MYO7A: variants seen among roughly 807,000 people sequenced by gnomAD.
MYO7A encodes myosin VIIA, also known as unconventional myosin-VIIa.
A neutral mutation model predicts 263.8 loss-of-function variants in MYO7A; 210 were observed. That is an observed-to-expected ratio of 0.80 (90% CI 0.71 to 0.89). The LOEUF (loss-of-function observed/expected upper bound fraction) is 0.89. Ranked by LOEUF, MYO7A falls within the 40% of genes least tolerant of loss-of-function variation. The probability of loss-of-function intolerance (pLI) is 0.00; values close to 1 mark genes in which losing one functional copy is unlikely to be tolerated. For synonymous variants in MYO7A, 1,239 were observed against 1,197.3 expected, an observed-to-expected ratio of 1.03 and a Z score of -0.72; for missense variants, 2,820 against 2,968.3, an observed-to-expected ratio of 0.95 and a Z score of 1.16.
intron 3 of MYO7A, among the ~76,000 whole-genome samples, chr11:77,145,214 C>A (rs1420017646): frequency 1.3e-5 from 2 of 152,176 alleles, no homozygotes; most frequent in Admixed American, 6.5e-5. Flanking sequence ...AGTAGAGTGA[C>A]AATGCCCAGC....
Position 77,174,845 on chromosome 11 carries a change from C to T in MYO7A, c.2025C>T (p.Arg675=), listed in dbSNP as rs797044658. 11 of 1,613,594 alleles carry T rather than the reference C, an allele frequency of 6.8e-6. No homozygotes were observed. The Admixed American group carries it at 1.5e-4, about 22-fold the overall frequency. Residue 675 remains arginine (R), a synonymous_variant, in exon 17 of 49, where the codon CGC becomes CGT. Transcript: ENST00000409709. The part of the protein sequence containing the change: ...IRIRRAGYPI[R]YSFVEFVERY... ...TCCGCCGAGCTGGCTACCCCATCCGCTACAGCTTCGTAGAGTTTGTGGAGC... is the reference window on the plus strand; with the variant it reads ...TCCGCCGAGCTGGCTACCCCATCCGTTACAGCTTCGTAGAGTTTGTGGAGC...
Position 77,160,282 on chromosome 11 carries a change from G to T in MYO7A, c.1200G>T (p.Lys400Asn), listed in dbSNP as rs1555067684. 6.4e-7 allele frequency: 1 copy of T among 1,558,376 alleles called. No individual in the cohort carries two copies. Among genetic ancestry groups the T allele is most frequent in the East Asian group, 2.4e-5 (1 of 41,374 alleles). ...TGGACGTGCGCGACGCCTTCGTAAA[G>T]GTGGGCTGGAGGGAAGGGGCCGCTT... ...QALDVRDAFV[K>N]GIYGRLFVWI... The change falls in exon 11 of 49, where the codon AAG (lysine) becomes AAT (asparagine). Residue 400 changes from lysine to asparagine, a missense_variant and splice_region_variant. Physicochemically the swap from Lys to Asn is moderately conservative, Grantham distance 94. Coordinates refer to ENST00000409709, the MANE Select transcript of MYO7A (RefSeq NM_000260.4).
At chr11:77,205,906 G>T (rs192391251) in intron 40 of MYO7A, among the ~76,000 whole-genome samples, 191 bp from the exon 41 acceptor site, 16 of 152,242 alleles carry the variant, frequency 1.1e-4, no homozygotes, top group African/African-American at 3.9e-4. Flanking sequence ...TCACTTTGCT[G>T]GGCCTCTCCA....
intron 14 of MYO7A, 121 bp downstream of exon 14, chr11:77,163,109 T>TATAG: frequency 9.5e-7 from 1 of 1,051,072 alleles, no homozygotes; most frequent in Non-Finnish European, 1.3e-6. Flanking sequence ...TATTCATATA[T>TATAG]ATATATATAT....
Position 77,155,880 on chromosome 11 carries a change from G to A in MYO7A, c.286-27G>A, listed in dbSNP as rs76464030. ...TCAGAGTCTCCCACATGGAATCAGC[G>A]AGCTCCCCATCTCTTGCTGCCCGCA... On this transcript the variant is annotated intron_variant, in intron 4 of 48. Transcript: ENST00000409709. 4,414 of 1,549,054 alleles carry A rather than the reference G, an allele frequency of 2.8e-3. 94 individuals carry two copies. The African/African-American group carries it at 0.047, about 16-fold the overall frequency.
At chr11:77,194,063 G>A (rs1227765519) in intron 31 of MYO7A, 3 of 609,576 alleles carry the variant, frequency 4.9e-6, no homozygotes, top group Non-Finnish European at 9.2e-6. Flanking sequence ...TCGATGGGCT[G>A]GCTTGTTTCT....
rs782019163 is a variant in MYO7A at position 77,156,986 on chromosome 11, G to A, written c.717G>A (p.Lys239=). 12 of 1,613,424 alleles carry A rather than the reference G, an allele frequency of 7.4e-6. No homozygotes were observed. In the South Asian group the frequency reaches 1.1e-4, roughly 15 times the overall value. Residue 239 remains lysine, a synonymous_variant, in exon 7 of 49, where the codon AAG becomes AAA. Coordinates refer to ENST00000409709, the MANE Select transcript of MYO7A (RefSeq NM_000260.4). ...AGATTGAGCAGTACCTGCTGGAAAAGTCACGTGTCTGTCGCCAGGTGGGCC... is the reference window on the plus strand; with the variant it reads ...AGATTGAGCAGTACCTGCTGGAAAAATCACGTGTCTGTCGCCAGGTGGGCC... ...GAKIEQYLLE[K]SRVCRQALDE...
chr11:77,190,795 C>G lies in MYO7A; in HGVS notation c.3849C>G (p.Leu1283=), dbSNP rs758089721. The change falls in exon 30 of 49, where the codon CTC becomes CTG. Residue 1283 remains leucine, a synonymous_variant. Transcript: ENST00000409709. ...ACTCGGCAACCACGGCCAAGGAGCT[C>G]TGCAACGCGCTGGCCGACAAGATCT... ...LTDSATTAKE[L]CNALADKISL... is the part of the protein sequence containing the mutation. 2 of 1,592,936 alleles carry G rather than the reference C, an allele frequency of 1.3e-6. No homozygotes were observed. The highest frequency in any genetic ancestry group is 1.7e-6 in the Non-Finnish European group (2 of 1,170,136).
At chr11:77,176,677 CTCATTCATCCAT>C (rs1555080250) in intron 18 of MYO7A, among the ~76,000 whole-genome samples, 1 of 152,210 alleles carries the variant, frequency 6.6e-6, no homozygotes, top group East Asian at 1.9e-4. Context: ...GCCAAACATG[CTCATTCATCCAT>C]TCATTCATTC....
chr11:77,163,446 G>A (rs191530904), intron 14 of MYO7A, among the ~76,000 whole-genome samples: 16 of 152,294 alleles, frequency 1.1e-4, no homozygotes, highest in Admixed American at 7.2e-4. Context: ...ACACCTAGAT[G>A]GTCCAGCCTA....
At position 77,165,997 on chromosome 11, in the gene MYO7A, T is replaced by C. The variant is rs1831441313; in HGVS notation, c.1691-59T>C. 3 of 1,268,080 alleles carry C rather than the reference T, an allele frequency of 2.4e-6. No individual in the cohort carries two copies. In the South Asian group the frequency reaches 3.7e-5, roughly 16 times the overall value. 78.6% of individuals were successfully genotyped at this position (1,268,080 alleles called of 1,614,324 possible). ...GAGGGTCCTCCTGGCTCAGATGTTA[T>C]GGGTTTGGGGAGGGCCTGCCAGAGC... On this transcript the variant is annotated intron_variant, in intron 14 of 48. Transcript: ENST00000409709.
In MYO7A at chr11:77,211,808, C is replaced by A; in HGVS notation, c.6238-13C>A. The A allele has an allele frequency of 1.9e-6, 3 of 1,610,372 alleles. No individual in the cohort carries two copies. The highest frequency in any genetic ancestry group is 2.5e-6 in the Non-Finnish European group (3 of 1,176,814). ...CAGGACTGAGCCCAGCCCTGACCGCCCTGTCCCCATAGTCCATCGTCGCCT... is the reference window on the plus strand; with the variant it reads ...CAGGACTGAGCCCAGCCCTGACCGCACTGTCCCCATAGTCCATCGTCGCCT... On this transcript the variant is annotated splice_polypyrimidine_tract_variant and intron_variant, in intron 45 of 48. Coordinates refer to ENST00000409709, the MANE Select transcript of MYO7A (RefSeq NM_000260.4).
intron 2 of MYO7A, among the ~76,000 whole-genome samples, chr11:77,136,003 A>T (rs1950893343): frequency 6.6e-6 from 1 of 152,146 alleles, no homozygotes; most frequent in Non-Finnish European, 1.5e-5. Flanking sequence ...GCCTATGCCC[A>T]CTTTTGAAAT....
Position 77,202,397 on chromosome 11 carries a change from TGG to T in MYO7A, c.5142_5143del (p.Glu1715GlyfsTer5). 1 of 1,554,004 alleles carries T rather than the reference TGG, an allele frequency of 6.4e-7. No homozygotes were observed. Among genetic ancestry groups the T allele is most frequent in the Non-Finnish European group, 8.7e-7 (1 of 1,148,408 alleles). On this transcript the variant is annotated frameshift_variant, in exon 37 of 49. Coordinates refer to ENST00000409709, the MANE Select transcript of MYO7A (RefSeq NM_000260.4). LOFTEE classifies it high-confidence loss of function. ...GAGGTGCGTGCCAAGCCCTACACGC[TGG>T]AGGAGTTTTCCTATGACTACTTCAG... is the stretch of plus-strand genomic sequence containing the variant.
At chr11:77,157,199 A>G in intron 7 of MYO7A, 80 bp from the exon 8 acceptor site, 1 of 1,381,340 alleles carries the variant, frequency 7.2e-7, no homozygotes, top group Non-Finnish European at 1.0e-6. Context: ...TAAAATAGTA[A>G]ACCATCATCC....
chr11:77,201,780 TG>T, intron 36 of MYO7A, 142 bp downstream of exon 36: 1 of 878,936 alleles, frequency 1.1e-6, no homozygotes. Context: ...CATTTAAAGT[TG>T]GGGCAGTGCT....
At chr11:77,211,605 TG>T (rs957277949) in intron 45 of MYO7A, among the ~76,000 whole-genome samples, 1 of 152,196 alleles carries the variant, frequency 6.6e-6, no homozygotes, top group African/African-American at 2.4e-5. Context: ...TCTGCCTGCC[TG>T]GGGGTGAGAA....
rs373048784 is a variant in MYO7A, at chr11:77,199,770, C to T, written c.4804C>T (p.Arg1602Trp). Residue 1602 changes from arginine (R) to tryptophan (W), a missense_variant, in exon 35 of 49, where the codon CGG becomes TGG. Physicochemically the swap from Arg to Trp is moderately radical, Grantham distance 101. Coordinates refer to ENST00000409709, the MANE Select transcript of MYO7A (RefSeq NM_000260.4). ...GGTGGTCACCTTCCTAGAGGGGCTC[C>T]GGAAGAGATCTAAGTATGTTGTGGC... ...DLVVTFLEGL[R>W]KRSKYVVALQ... is the part of the protein sequence containing the mutation. 72 of 1,611,576 alleles carry T rather than the reference C, an allele frequency of 4.5e-5. No homozygotes were observed. The highest frequency in any genetic ancestry group is 1.2e-4 in the South Asian group (11 of 90,892).
At chr11:77,214,084 G>C in intron 48 of MYO7A, 105 bp downstream of exon 48, 4 of 1,507,612 alleles carry the variant, frequency 2.7e-6, no homozygotes, top group Non-Finnish European at 3.6e-6. Flanking sequence ...CTGGGCCTGG[G>C]GTCGTGGGCA....
Sources: allele counts gnomAD v4.1 joint callset (sites outside exome capture counted in the v4.1 genomes callset), GRCh38; gene constraint gnomAD v4.1.1; transcripts MANE v1.5; gene names NCBI Gene and HGNC (gene_info 2026-07-23, HGNC 2026-07-21).